DOK5: variants seen among roughly 807,000 people sequenced by gnomAD.
DOK5 encodes downstream of tyrosine kinase 5.
In DOK5, 27 loss-of-function variants were observed where a neutral mutation model predicts 43.3. The ratio of observed to expected loss-of-function variants is 0.62; its 90% CI spans 0.46 to 0.86. The LOEUF is 0.86. Among genes scored for constraint, DOK5 ranks in the 40% least tolerant of loss-of-function variants. DOK5 has a pLI of 0.00. For missense variants in DOK5, 373 were observed against 392.9 expected (o/e 0.95, Z 0.43); for synonymous variants, 146 against 140.1 (o/e 1.04, Z -0.30).
At chr20:54,642,844 T>G (rs1195590498) in intron 6 of DOK5, among the ~76,000 whole-genome samples, 1 of 152,078 alleles carries the variant, frequency 6.6e-6, no homozygotes, top group African/African-American at 2.4e-5. Context: ...CTCAGTGGAG[T>G]GTGTGAAGAT....
At chr20:54,601,275 G>C (rs1986290229) in intron 5 of DOK5, among the ~76,000 whole-genome samples, 1 of 152,212 alleles carries the variant, frequency 6.6e-6, no homozygotes, top group South Asian at 2.1e-4. Flanking sequence ...GATTAGTAAA[G>C]CTACACATTG....
chr20:54,518,412 A>T (rs1983277163), intron 1 of DOK5, among the ~76,000 whole-genome samples: 1 of 151,924 alleles, frequency 6.6e-6, no homozygotes, highest in Non-Finnish European at 1.5e-5. Context: ...GCTGAGAATG[A>T]TGGTTTCCAG....
chr20:54,571,229 T>G (rs1434761844), intron 2 of DOK5, among the ~76,000 whole-genome samples: 1 of 152,222 alleles, frequency 6.6e-6, no homozygotes, highest in Non-Finnish European at 1.5e-5. Context: ...TTTATTCCTC[T>G]TTATTCTTAC....
At chr20:54,632,704 T>C (rs1978627010) in intron 6 of DOK5, among the ~76,000 whole-genome samples, 1 of 152,178 alleles carries the variant, frequency 6.6e-6, no homozygotes, top group African/African-American at 2.4e-5. Flanking sequence ...CTAAAGGTAA[T>C]AAATAGCACA....
At chr20:54,547,088 G>T (rs1984373644) in intron 1 of DOK5, among the ~76,000 whole-genome samples, 1 of 152,146 alleles carries the variant, frequency 6.6e-6, no homozygotes, top group Non-Finnish European at 1.5e-5. Context: ...TAGACCAGAG[G>T]TTGGCAAACT....
At chr20:54,635,518 A>G (rs981085603) in intron 6 of DOK5, among the ~76,000 whole-genome samples, 1 of 152,186 alleles carries the variant, frequency 6.6e-6, no homozygotes, top group African/African-American at 2.4e-5. Flanking sequence ...AGGCCTTTCG[A>G]TAAATTCCTT....
At chr20:54,589,235 C>T (rs566664271) in intron 4 of DOK5, among the ~76,000 whole-genome samples, 17 of 152,208 alleles carry the variant, frequency 1.1e-4, no homozygotes, top group Middle Eastern at 3.4e-3. Flanking sequence ...TAGACGATAC[C>T]GTTGGACCTA....
intron 1 of DOK5, among the ~76,000 whole-genome samples, chr20:54,492,735 A>C (rs1982235176): frequency 6.6e-6 from 1 of 150,858 alleles, no homozygotes; most frequent in South Asian, 2.1e-4. Flanking sequence ...TTAGGATCAG[A>C]GGTAACAGAG....
intron 1 of DOK5, among the ~76,000 whole-genome samples, chr20:54,481,136 A>G (rs899912117): frequency 4.0e-4 from 13 of 32,584 alleles, no homozygotes; most frequent in Admixed American, 7.2e-4. Context: ...TCTATCATCT[A>G]TCTATCTATC....
chr20:54,520,856 C>A (rs1983368242), intron 1 of DOK5, among the ~76,000 whole-genome samples: 1 of 135,990 alleles, frequency 7.4e-6, no homozygotes, highest in Non-Finnish European at 1.7e-5. Context: ...AATACAGAGT[C>A]CTTCATGGCC....
At chr20:54,480,902 C>CT (rs1555822314) in intron 1 of DOK5, among the ~76,000 whole-genome samples, 4 of 134,886 alleles carry the variant, frequency 3.0e-5, no homozygotes, top group South Asian at 2.1e-4. Flanking sequence ...TTAAGGCCTC[C>CT]ATCTATCTAT....
intron 5 of DOK5, 145 bp downstream of exon 5, chr20:54,591,950 C>A: frequency 1.5e-6 from 1 of 647,946 alleles, no homozygotes; most frequent in Non-Finnish European, 2.5e-6. Flanking sequence ...GTTGCGATTA[C>A]ATAATATGAG....
intron 5 of DOK5, among the ~76,000 whole-genome samples, chr20:54,603,725 C>G (rs866071059): frequency 6.6e-6 from 1 of 152,128 alleles, no homozygotes; most frequent in Non-Finnish European, 1.5e-5. Flanking sequence ...GTGTTGCTGA[C>G]TTTAGTAGAG....
intron 1 of DOK5, among the ~76,000 whole-genome samples, chr20:54,515,581 C>T (rs1017147548): frequency 6.6e-6 from 1 of 152,212 alleles, no homozygotes; most frequent in African/African-American, 2.4e-5. Flanking sequence ...TGTTGCTATT[C>T]ATTACTAAAT....
chr20:54,643,332 G>A (rs768175446), intron 6 of DOK5, 126 bp from the exon 7 acceptor site: 69 of 1,282,310 alleles, frequency 5.4e-5, no homozygotes, highest in Non-Finnish European at 7.4e-5. Context: ...ACCTTCAATC[G>A]ATGTTCATTG....
chr20:54,637,289 C>T (rs1395965162), intron 6 of DOK5, among the ~76,000 whole-genome samples: 2 of 152,224 alleles, frequency 1.3e-5, no homozygotes, highest in African/African-American at 4.8e-5. Context: ...AGCATCTTGA[C>T]TCACTTAGGC....
At chr20:54,477,518 C>G (rs1981481510) in intron 1 of DOK5, among the ~76,000 whole-genome samples, 1 of 152,160 alleles carries the variant, frequency 6.6e-6, no homozygotes, top group Non-Finnish European at 1.5e-5. Flanking sequence ...TTCTCATCTT[C>G]AAGAGCACCC....
Position 54,560,683 on chromosome 20 carries a change from C to T in DOK5, c.174+5643C>T, listed in dbSNP as rs150847015. Among the ~76,000 whole-genome samples the T allele has an allele frequency of 3.9e-5, 6 of 152,240 alleles. No individual in the cohort carries two copies. The South Asian group carries it at 6.2e-4, about 16-fold the overall frequency. On this transcript the variant is annotated intron_variant, in intron 2 of 7. Coordinates refer to ENST00000262593, the MANE Select transcript of DOK5 (RefSeq NM_018431.5). ...TTGCCCAGGCTGGAGCGCAATGGCACGATCTCGGCTCACTGCAACCTCTGT... is the reference window on the plus strand; with the variant it reads ...TTGCCCAGGCTGGAGCGCAATGGCATGATCTCGGCTCACTGCAACCTCTGT...
intron 6 of DOK5, among the ~76,000 whole-genome samples, chr20:54,621,624 G>T (rs932886230): frequency 3.3e-5 from 5 of 151,722 alleles, no homozygotes; most frequent in African/African-American, 1.2e-4. Flanking sequence ...GGAAAGTGGA[G>T]GTTGCAGTGA....
Sources: allele counts gnomAD v4.1 joint callset (sites outside exome capture counted in the v4.1 genomes callset), GRCh38; gene constraint gnomAD v4.1.1; transcripts MANE v1.5; gene names NCBI Gene and HGNC (gene_info 2026-07-23, HGNC 2026-07-21).